RHOU: variants seen among roughly 807,000 people sequenced by gnomAD.
RHOU encodes rho-related GTP-binding protein RhoU.
A neutral mutation model predicts 12.6 loss-of-function variants in RHOU; 8 were observed. That is an observed-to-expected ratio of 0.64 (90% CI 0.37 to 1.15). The LOEUF (loss-of-function observed/expected upper bound fraction) is 1.15. Among genes scored for constraint, RHOU ranks in the 50% most tolerant of loss-of-function variants. The pLI is 0.01. For missense variants in RHOU, 258 were observed against 347.0 expected (o/e 0.74, Z 2.04); for synonymous variants, 161 against 147.4 (o/e 1.09, Z -0.67).
At chr1:228,704,676 G>C in the RHOU span, among the ~76,000 whole-genome samples, 5,549 of 151,448 alleles carry the variant, frequency 0.037, 169 homozygotes, top group Non-Finnish European at 0.056. Context: ...GGCCAGGCTC[G>C]TGTTGAACTC....
the RHOU span, among the ~76,000 whole-genome samples, chr1:228,704,539 CCT>C: frequency 6.6e-6 from 1 of 151,972 alleles, no homozygotes; most frequent in Admixed American, 6.6e-5. Flanking sequence ...CTCACTGCAA[CCT>C]CTGTCTCCTG....
chr1:228,712,528 G>A, the RHOU span, among the ~76,000 whole-genome samples: 62 of 151,768 alleles, frequency 4.1e-4, 2 homozygotes, highest in East Asian at 0.012. Flanking sequence ...CATGAAATTG[G>A]AAATCATCAT....
the RHOU span, among the ~76,000 whole-genome samples, chr1:228,682,500 G>C: frequency 6.6e-6 from 1 of 152,184 alleles, no homozygotes; most frequent in Admixed American, 6.5e-5. Context: ...CAGGTTTTGG[G>C]ATAGGCGGTG....
At chr1:228,648,519 T>G in the RHOU span, among the ~76,000 whole-genome samples, 1 of 152,172 alleles carries the variant, frequency 6.6e-6, no homozygotes, top group Non-Finnish European at 1.5e-5. Flanking sequence ...TTGGATCCCT[T>G]GCTGCCCCTC....
upstream of RHOU, among the ~76,000 whole-genome samples, chr1:228,731,649 C>T (rs1183222059): frequency 6.6e-6 from 1 of 152,022 alleles, no homozygotes; most frequent in South Asian, 2.1e-4. Context: ...GACACCTAAG[C>T]GGAGAAAGAG....
chr1:228,685,969 A>G, the RHOU span, among the ~76,000 whole-genome samples: 1 of 152,208 alleles, frequency 6.6e-6, no homozygotes, highest in Non-Finnish European at 1.5e-5. Flanking sequence ...ATCAGAGTTT[A>G]TAAGATCAGA....
chr1:228,707,105 CATATAT>C, the RHOU span, among the ~76,000 whole-genome samples: 3 of 70,844 alleles, frequency 4.2e-5, no homozygotes, highest in African/African-American at 7.4e-5. Flanking sequence ...TATATACATA[CATATAT>C]ATATATATAT....
At chr1:228,650,092 C>T in the RHOU span, 3 of 420,130 alleles carry the variant, frequency 7.1e-6, no homozygotes, top group East Asian at 2.2e-4. Context: ...ATAGAAAGAA[C>T]TCTAACAGGT....
At position 228,737,861 on chromosome 1, in the gene RHOU, T is replaced by C; in HGVS notation, c.321+130T>C. ...TCATGAAGTGGACCCACCCCTGCTGTTGGCCCTTCTCTGAGGGTGGGCAGG... is the reference window on the plus strand; with the variant it reads ...TCATGAAGTGGACCCACCCCTGCTGCTGGCCCTTCTCTGAGGGTGGGCAGG... On this transcript the variant is annotated intron_variant, in intron 2 of 2. Coordinates refer to ENST00000366691, the MANE Select transcript of RHOU (RefSeq NM_021205.6). This position sits in a 1 kb window ranked among gnomAD's most constrained non-coding sequence, Gnocchi z 4.1. 1.0e-6 allele frequency: 1 copy of C among 962,876 alleles called. No individual in the cohort carries two copies. The highest frequency in any genetic ancestry group is 1.6e-6 in the Non-Finnish European group (1 of 626,172). The allele number at this position is 962,876 out of a possible 1,614,324, so 59.6% of individuals were successfully genotyped here.
chr1:228,698,471 A>G, the RHOU span, among the ~76,000 whole-genome samples: 1 of 152,256 alleles, frequency 6.6e-6, no homozygotes, highest in Non-Finnish European at 1.5e-5. Context: ...TTAGCCAGCA[A>G]GTAATCTAGA....
the RHOU span, among the ~76,000 whole-genome samples, chr1:228,696,272 C>T: frequency 2.0e-5 from 3 of 149,254 alleles, no homozygotes; most frequent in African/African-American, 4.9e-5. Context: ...GAAACATTTA[C>T]TCTGAGGCTG....
chr1:228,653,342 G>C, the RHOU span, among the ~76,000 whole-genome samples: 2 of 151,786 alleles, frequency 1.3e-5, no homozygotes, highest in African/African-American at 4.8e-5. Context: ...TTTTTTTGAC[G>C]GAGTTTTGCT....
chr1:228,675,931 T>G, the RHOU span, among the ~76,000 whole-genome samples: 1 of 151,806 alleles, frequency 6.6e-6, no homozygotes, highest in Non-Finnish European at 1.5e-5. Flanking sequence ...GAAACTCAAG[T>G]TTTCAGAAAA....
the RHOU span, among the ~76,000 whole-genome samples, chr1:228,666,106 C>T: frequency 1.3e-5 from 2 of 151,826 alleles, no homozygotes; most frequent in African/African-American, 2.4e-5. Context: ...TGCAGGCGTG[C>T]ACCACCATGC....
the RHOU span, among the ~76,000 whole-genome samples, chr1:228,667,302 A>G: frequency 6.6e-6 from 1 of 152,250 alleles, no homozygotes; most frequent in Admixed American, 6.5e-5. Context: ...CATGTTACAG[A>G]TGTTTAAAGA....
the RHOU span, among the ~76,000 whole-genome samples, chr1:228,704,234 T>G: frequency 6.6e-6 from 1 of 152,312 alleles, no homozygotes; most frequent in African/African-American, 2.4e-5. Flanking sequence ...TATAGACTGA[T>G]GTCTCATGTC....
the RHOU span, among the ~76,000 whole-genome samples, chr1:228,657,760 T>C: frequency 6.6e-6 from 1 of 152,326 alleles, no homozygotes; most frequent in African/African-American, 2.4e-5. Context: ...TTCTCCAGTA[T>C]AGACCATATG....
the RHOU span, among the ~76,000 whole-genome samples, chr1:228,668,847 G>T: frequency 1.3e-5 from 2 of 152,198 alleles, no homozygotes; most frequent in Non-Finnish European, 2.9e-5. Flanking sequence ...CTAGCTGCCT[G>T]TTCTGGCATA....
chr1:228,663,243 G>C, the RHOU span, among the ~76,000 whole-genome samples: 1 of 152,180 alleles, frequency 6.6e-6, no homozygotes, highest in Non-Finnish European at 1.5e-5. Context: ...CAGAGACCTT[G>C]TGTGGTGTTC....
Sources: allele counts gnomAD v4.1 joint callset (sites outside exome capture counted in the v4.1 genomes callset), GRCh38; gene constraint gnomAD v4.1.1; non-coding constraint Gnocchi (gnomAD v3.1); transcripts MANE v1.5; gene names NCBI Gene and HGNC (gene_info 2026-07-23, HGNC 2026-07-21).